CFI: variants seen among roughly 807,000 people sequenced by gnomAD.
CFI encodes the protein C3B/C4B inactivator.
A neutral mutation model predicts 78.8 loss-of-function variants in CFI; 66 were observed. The ratio of observed to expected loss-of-function variants is 0.84; its 90% confidence interval spans 0.69 to 1.03. The LOEUF (loss-of-function observed/expected upper bound fraction) is 1.03. Ranked by LOEUF, CFI falls within the 50% of genes least tolerant of loss-of-function variation. The pLI, the probability that CFI is intolerant of heterozygous loss-of-function variation, is 0.00. For missense variants in CFI, 706 were observed against 704.5 expected (o/e 1.00, Z -0.02); for synonymous variants, 250 against 232.6 (o/e 1.07, Z -0.68).
In CFI at chr4:109,749,007, T is replaced by C. The variant is rs566220334; in HGVS notation, c.1148+211A>G. ...TATGGGTTTGATCTGCCTTTGCCAG[T>C]GAGATCAGCAATTTTGGTCTGTGGA... On this transcript the variant is annotated intron_variant, in intron 10 of 12. Coordinates refer to ENST00000394634, the MANE Select transcript of CFI (RefSeq NM_000204.5). 7.9e-5 allele frequency among the ~76,000 whole-genome samples: 12 copies of C among 152,246 alleles called. No individual in the cohort carries two copies. The South Asian group carries it at 2.3e-3, about 29-fold the overall frequency.
At chr4:109,796,517 C>G (rs2125873344) in intron 1 of CFI, among the ~76,000 whole-genome samples, 1 of 152,318 alleles carries the variant, frequency 6.6e-6, no homozygotes, top group South Asian at 2.1e-4. Flanking sequence ...AGAAAACCAT[C>G]TCAGGCCAGG....
chr4:109,768,401 T>A (rs6533457), intron 1 of CFI, among the ~76,000 whole-genome samples: 1 of 149,676 alleles, frequency 6.7e-6, no homozygotes, highest in South Asian at 2.1e-4. Context: ...GTTTTGGCAC[T>A]TACTGTTACA....
the CFI span, among the ~76,000 whole-genome samples, chr4:109,733,952 C>T: frequency 6.6e-6 from 1 of 151,978 alleles, no homozygotes; most frequent in African/African-American, 2.4e-5. Context: ...GGCAGATCGC[C>T]TGAGTCCAGG....
At chr4:109,743,617 ACC>A (rs1453190866) in intron 11 of CFI, among the ~76,000 whole-genome samples, 1 of 152,202 alleles carries the variant, frequency 6.6e-6, no homozygotes, top group African/African-American at 2.4e-5. Context: ...AATGTGTTAA[ACC>A]ATTATTAATA....
At chr4:109,792,168 T>G (rs1731463370) in intron 1 of CFI, among the ~76,000 whole-genome samples, 1 of 152,230 alleles carries the variant, frequency 6.6e-6, no homozygotes, top group African/African-American at 2.4e-5. Context: ...GAGTTCTATA[T>G]ATGTCTAGTT....
intron 3 of CFI, chr4:109,762,370 A>G (rs913287164): frequency 2.0e-5 from 3 of 152,184 alleles, no homozygotes; most frequent in Admixed American, 6.6e-5. Context: ...CAGCCTTGAC[A>G]GTATTAAGGT....
chr4:109,772,063 T>C (rs1430349127), intron 1 of CFI, among the ~76,000 whole-genome samples: 2 of 152,222 alleles, frequency 1.3e-5, no homozygotes, highest in Non-Finnish European at 2.9e-5. Flanking sequence ...TATGATAACA[T>C]TACCATTTTA....
intron 12 of CFI, chr4:109,741,778 AGG>A (rs1357333962): frequency 5.8e-5 from 9 of 155,688 alleles, no homozygotes; most frequent in African/African-American, 2.2e-4. Context: ...AGTAAGTTAT[AGG>A]ATGTCAATAA....
chr4:109,757,406 T>G (rs1387007026), intron 7 of CFI, among the ~76,000 whole-genome samples: 2 of 152,072 alleles, frequency 1.3e-5, no homozygotes, highest in East Asian at 3.9e-4. Flanking sequence ...CTGATAGAAG[T>G]AAATAAGAAA....
At chr4:109,754,873 G>T (rs1322497788) in intron 7 of CFI, among the ~76,000 whole-genome samples, 1 of 152,118 alleles carries the variant, frequency 6.6e-6, no homozygotes, top group African/African-American at 2.4e-5. Flanking sequence ...GCACTAACTT[G>T]ATTTAATATA....
At chr4:109,748,109 G>C (rs1035838714) in intron 10 of CFI, among the ~76,000 whole-genome samples, 1 of 152,106 alleles carries the variant, frequency 6.6e-6, no homozygotes, top group Non-Finnish European at 1.5e-5. Flanking sequence ...CTTTACATAA[G>C]GGTGATTCAG....
At chr4:109,760,490 T>C (rs887541371) in intron 5 of CFI, 33 bp downstream of exon 5, 1 of 1,473,448 alleles carries the variant, frequency 6.8e-7, no homozygotes, top group African/African-American at 1.4e-5. Flanking sequence ...GAAAAATGAA[T>C]TTAGAGGATT....
intron 3 of CFI, chr4:109,761,948 G>C (rs1447317429): frequency 4.6e-6 from 2 of 434,508 alleles, no homozygotes; most frequent in African/African-American, 4.0e-5. Flanking sequence ...CCAGCACTTT[G>C]GGAGGCCAAG....
rs774830806 is a variant in CFI, at chr4:109,746,327, T to G, written c.1324A>C (p.Lys442Gln). The G allele has an allele frequency of 2.5e-6, 4 of 1,614,096 alleles. No homozygotes were observed. Among genetic ancestry groups the G allele is most frequent in the Non-Finnish European group, 3.4e-6 (4 of 1,180,042 alleles). ...ATGGAACGAGGCAGCTCACAATCTTTTTTGTTTCCGTCTTTTTTCATTTCA... is the reference window on the plus strand; with the variant it reads ...ATGGAACGAGGCAGCTCACAATCTTGTTTGTTTCCGTCTTTTTTCATTTCA... ...LIEMKKDGNK[K>Q]DCELPRSIPA... is the part of the protein sequence containing the mutation. The change falls in exon 11 of 13, where the codon AAA (lysine) becomes CAA (glutamine). Residue 442 changes from lysine (K) to glutamine (Q), a missense_variant. By Grantham distance (53) the Lys-to-Gln change is moderately conservative. Coordinates refer to ENST00000394634, the MANE Select transcript of CFI (RefSeq NM_000204.5).
At chr4:109,764,077 T>C (rs1727416409) in intron 3 of CFI, among the ~76,000 whole-genome samples, 1 of 149,660 alleles carries the variant, frequency 6.7e-6, no homozygotes, top group Non-Finnish European at 1.5e-5. Flanking sequence ...TATAGTAAAC[T>C]ATACTATAAA....
chr4:109,757,614 C>T (rs1726484260), intron 7 of CFI, 149 bp downstream of exon 7: 1 of 565,272 alleles, frequency 1.8e-6, no homozygotes, highest in Non-Finnish European at 3.2e-6. Context: ...TGAGAAAAGG[C>T]CTCTACGCCT....
rs1431425753 is a variant in CFI at position 109,766,543 on chromosome 4, T to C, written c.328+11A>G. 1.9e-6 allele frequency: 3 copies of C among 1,614,028 alleles called. No homozygotes were observed. Among genetic ancestry groups the C allele is most frequent in the South Asian group, 2.2e-5 (2 of 91,078 alleles). The stretch of plus-strand genomic sequence containing the variant: ...TATCATAGAATGACTTGAAAACTAG[T>C]CTCTTGCTACCTTCGGCTGTGCATG... On this transcript the variant is annotated intron_variant, in intron 2 of 12. Transcript: ENST00000394634.
chr4:109,773,455 G>A (rs1728837498), intron 1 of CFI, among the ~76,000 whole-genome samples: 1 of 152,174 alleles, frequency 6.6e-6, no homozygotes, highest in African/African-American at 2.4e-5. Context: ...GGCAGAGGTT[G>A]CAGTGAGCCG....
Position 109,761,497 on chromosome 4 carries a change from C to G in CFI, c.658+20G>C, listed in dbSNP as rs901929387. 1 of 1,612,498 alleles carries G rather than the reference C, an allele frequency of 6.2e-7. No individual in the cohort carries two copies. Among genetic ancestry groups the G allele is most frequent in the Admixed American group, 1.7e-5 (1 of 60,004 alleles). On this transcript the variant is annotated intron_variant, in intron 4 of 12. Coordinates refer to ENST00000394634, the MANE Select transcript of CFI (RefSeq NM_000204.5). ...ACAACCTTCAAGGAAGGGAAAATAA[C>G]AGGCAAATACTCCACCAACCTGCTT... is the stretch of plus-strand genomic sequence containing the variant.
Sources: allele counts gnomAD v4.1 joint callset (sites outside exome capture counted in the v4.1 genomes callset), GRCh38; gene constraint gnomAD v4.1.1; transcripts MANE v1.5; gene names NCBI Gene and HGNC (gene_info 2026-07-23, HGNC 2026-07-21).